Variants in GRIK2 observed in about 807,000 individuals in gnomAD.
GRIK2 encodes the protein glutamate ionotropic receptor kainate type subunit 2.
In GRIK2, 32 loss-of-function variants were observed where a neutral mutation model predicts 100.3. The ratio of observed to expected loss-of-function variants is 0.32; its 90% CI spans 0.24 to 0.43. The LOEUF (loss-of-function observed/expected upper bound fraction) is 0.43. GRIK2 is among the 20% of genes least tolerant of loss of function. GRIK2 has a pLI of 1.00. For synonymous variants in GRIK2, 417 were observed against 389.4 expected (o/e 1.07, Z -0.83); for missense variants, 843 against 1,114.9 (o/e 0.76, Z 3.47).
At chr6:101,682,193 A>G (rs540032999) in intron 5 of GRIK2, among the ~76,000 whole-genome samples, 89 of 152,334 alleles carry the variant, frequency 5.8e-4, no homozygotes, top group African/African-American at 2.0e-3. Flanking sequence ...TCATTAAAAT[A>G]AAATGGTGTT....
intron 2 of GRIK2, among the ~76,000 whole-genome samples, chr6:101,444,999 T>G (rs1228726839): frequency 1.3e-5 from 2 of 152,070 alleles, no homozygotes; most frequent in Non-Finnish European, 2.9e-5. Flanking sequence ...ACATTTCTTC[T>G]TCCTTCTTAT....
chr6:101,805,637 C>A (rs1007837507), intron 9 of GRIK2, among the ~76,000 whole-genome samples: 2 of 151,834 alleles, frequency 1.3e-5, no homozygotes, highest in Admixed American at 1.3e-4. Flanking sequence ...CTGTTTTATG[C>A]CCTCATGAAG....
intron 14 of GRIK2, among the ~76,000 whole-genome samples, chr6:102,020,971 T>C (rs1268786543): frequency 6.6e-6 from 1 of 151,792 alleles, no homozygotes; most frequent in Non-Finnish European, 1.5e-5. Flanking sequence ...TTTGAGAATA[T>C]TCATATAAAA....
intron 10 of GRIK2, among the ~76,000 whole-genome samples, chr6:101,832,977 C>T (rs966178867): frequency 7.2e-5 from 11 of 151,932 alleles, no homozygotes; most frequent in African/African-American, 2.4e-4. Flanking sequence ...TTTAAAATAA[C>T]GTTAAAGGAG....
At chr6:101,721,556 C>G (rs1477682442) in intron 7 of GRIK2, among the ~76,000 whole-genome samples, 1 of 151,976 alleles carries the variant, frequency 6.6e-6, no homozygotes, top group Non-Finnish European at 1.5e-5. Context: ...CTGCAGTGCA[C>G]TCCAAGTGCA....
At position 101,718,683 on chromosome 6, in the gene GRIK2, C is replaced by T. The variant is rs887836454; in HGVS notation, c.951+32330C>T. ...TGTCAAGGATTCTACTTTTTTGTAA[C>T]AGGTGAGGGCCTTTGATATCAAACA... On this transcript the variant is annotated intron_variant, in intron 7 of 16. Coordinates refer to ENST00000369134, the MANE Select transcript of GRIK2 (RefSeq NM_021956.5). 4.6e-5 allele frequency among the ~76,000 whole-genome samples: 7 copies of T among 151,944 alleles called. No individual in the cohort carries two copies. The East Asian group carries it at 1.4e-3, about 30-fold the overall frequency.
rs142108952 is a variant in GRIK2, at chr6:101,443,003, A to T, written c.115+43611A>T. Among the ~76,000 whole-genome samples, 3 of 152,280 alleles carry T rather than the reference A, an allele frequency of 2.0e-5. No homozygotes were observed. In the East Asian group the frequency reaches 5.8e-4, roughly 29 times the overall value. ...TTTACAATAGAATAGTGCATGAATA[A>T]TTTTGATTCCACCACTACCTCCATT... On this transcript the variant is annotated intron_variant, in intron 2 of 16. Coordinates refer to ENST00000369134, the MANE Select transcript of GRIK2 (RefSeq NM_021956.5).
At chr6:101,761,274 T>C (rs759367878) in intron 7 of GRIK2, among the ~76,000 whole-genome samples, 4 of 152,170 alleles carry the variant, frequency 2.6e-5, no homozygotes, top group Non-Finnish European at 4.4e-5. Flanking sequence ...TGTCTGGTGC[T>C]GAGCAATAAT....
chr6:101,565,606 C>G (rs1009655924), intron 2 of GRIK2, among the ~76,000 whole-genome samples: 1 of 151,814 alleles, frequency 6.6e-6, no homozygotes, highest in Non-Finnish European at 1.5e-5. Context: ...AGGAAAGAAA[C>G]TACTAAAAGA....
At chr6:101,887,991 C>G (rs893473200) in intron 11 of GRIK2, among the ~76,000 whole-genome samples, 39 of 152,180 alleles carry the variant, frequency 2.6e-4, no homozygotes, top group African/African-American at 8.4e-4. Context: ...TTTTTAGTTT[C>G]TCCCTTACGT....
intron 2 of GRIK2, among the ~76,000 whole-genome samples, chr6:101,442,239 G>C (rs952962957): frequency 6.6e-6 from 1 of 152,122 alleles, no homozygotes; most frequent in Non-Finnish European, 1.5e-5. Context: ...CACTTTGAAG[G>C]GTGGGGAGGA....
intron 2 of GRIK2, among the ~76,000 whole-genome samples, chr6:101,612,716 ATGTGTGTGTGTGTGTG>A (rs139709674): frequency 1.4e-5 from 2 of 143,324 alleles, no homozygotes; most frequent in South Asian, 2.2e-4. Context: ...GTATGTGTTA[ATGTGTGTGTGTGTGTG>A]TGTGTGTGTG....
chr6:101,988,112 TGTGTGTGTGTGTGTGTGTGTGC>T (rs1328623869), intron 14 of GRIK2, among the ~76,000 whole-genome samples: 2 of 43,796 alleles, frequency 4.6e-5, no homozygotes, highest in Non-Finnish European at 8.7e-5. Context: ...TGTGTGTGTG[TGTGTGTGTGTGTGTGTGTGTGC>T]GCGCGCGCGC....
chr6:101,655,030 TTGTA>T (rs1781991616), intron 4 of GRIK2, among the ~76,000 whole-genome samples: 1 of 152,176 alleles, frequency 6.6e-6, no homozygotes, highest in Non-Finnish European at 1.5e-5. Context: ...CTGTGGAACT[TTGTA>T]TGACAAATCA....
chr6:101,687,157 C>T (rs1771757228), intron 7 of GRIK2, among the ~76,000 whole-genome samples: 1 of 151,830 alleles, frequency 6.6e-6, no homozygotes, highest in African/African-American at 2.4e-5. Context: ...ATGTATTTGA[C>T]ATCATGCATA....
intron 14 of GRIK2, among the ~76,000 whole-genome samples, chr6:102,031,128 C>CACACACA (rs1562124651): frequency 1.5e-4 from 10 of 65,442 alleles, no homozygotes; most frequent in Non-Finnish European, 2.0e-4. Context: ...CACACACACA[C>CACACACA]CCCCTTTGAG....
At chr6:101,586,091 C>A (rs996030467) in intron 2 of GRIK2, among the ~76,000 whole-genome samples, 4 of 151,854 alleles carry the variant, frequency 2.6e-5, no homozygotes, top group African/African-American at 9.7e-5. Flanking sequence ...GAGTTTAGTC[C>A]TGAAGCTGGG....
At chr6:101,462,222 G>A (rs768746285) in intron 2 of GRIK2, among the ~76,000 whole-genome samples, 31 of 152,164 alleles carry the variant, frequency 2.0e-4, no homozygotes, top group Non-Finnish European at 3.8e-4. Flanking sequence ...TACTGACTGC[G>A]CCGGTGTCCC....
chr6:101,812,136 A>T (rs1168764580), intron 9 of GRIK2, among the ~76,000 whole-genome samples: 1 of 151,678 alleles, frequency 6.6e-6, no homozygotes, highest in Non-Finnish European at 1.5e-5. Flanking sequence ...AAACATTAAG[A>T]ATAACACAAA....
Sources: allele counts gnomAD v4.1 joint callset (sites outside exome capture counted in the v4.1 genomes callset), GRCh38; gene constraint gnomAD v4.1.1; transcripts MANE v1.5; gene names NCBI Gene and HGNC (gene_info 2026-07-23, HGNC 2026-07-21).